NID2: variants seen among roughly 807,000 people sequenced by gnomAD.
The protein encoded by NID2 is nidogen-2.
In NID2, 83 loss-of-function variants were observed where a neutral mutation model predicts 145.4. That is an observed-to-expected ratio of 0.57 (90% CI 0.48 to 0.69). NID2 has a LOEUF of 0.69. Ranked by LOEUF, NID2 falls within the 30% of genes least tolerant of loss-of-function variation. The pLI, the probability that NID2 is intolerant of heterozygous loss-of-function variation, is 0.00. For synonymous variants in NID2, 739 were observed against 701.3 expected, an observed-to-expected ratio of 1.05 and a Z score of -0.85; for missense variants, 1,807 against 1,765.7, an observed-to-expected ratio of 1.02 and a Z score of -0.42.
intron 18 of NID2, chr14:52,010,631 A>G: frequency 2.5e-6 from 1 of 398,516 alleles, no homozygotes. Context: ...ATATCACATC[A>G]CAGACTAATA....
chr14:52,041,771 T>C (rs1045413983), intron 7 of NID2, among the ~76,000 whole-genome samples: 2 of 152,186 alleles, frequency 1.3e-5, no homozygotes. Flanking sequence ...CCAAGTACCA[T>C]TTTTGCATTT....
rs141268523 is a variant in NID2 at position 52,014,838 on chromosome 14, G to A, written c.3250+216C>T. Among the ~76,000 whole-genome samples the A allele has an allele frequency of 5.6e-4, 85 of 152,208 alleles. 1 individual carries two copies. Among genetic ancestry groups the A allele is most frequent in the Non-Finnish European group, 8.8e-4 (60 of 68,006 alleles). Reference sequence around the variant, plus strand: ...TAACTGCCTGCTGAACCGAGTTGCAGATGTTCCAATTATGGAAGCTGCTAA... The same window carrying A: ...TAACTGCCTGCTGAACCGAGTTGCAAATGTTCCAATTATGGAAGCTGCTAA... On this transcript the variant is annotated intron_variant, in intron 15 of 21. Coordinates refer to ENST00000216286, the MANE Select transcript of NID2 (RefSeq NM_007361.4).
intron 10 of NID2, among the ~76,000 whole-genome samples, chr14:52,029,122 G>A (rs564727017): frequency 7.2e-5 from 11 of 152,246 alleles, no homozygotes; most frequent in East Asian, 3.9e-4. Context: ...ATGGATACTT[G>A]GAAGAAAACC....
intron 1 of NID2, 135 bp from the exon 2 acceptor site, chr14:52,068,298 C>T: frequency 1.1e-6 from 1 of 904,854 alleles, no homozygotes; most frequent in Non-Finnish European, 1.7e-6. Context: ...AGTCTGGATT[C>T]AGGGAAACAA....
In NID2 at chr14:52,020,055, T is replaced by C; in HGVS notation, c.2794+4A>G. 1 of 1,613,706 alleles carries C rather than the reference T, an allele frequency of 6.2e-7. No homozygotes were observed. The highest frequency in any genetic ancestry group is 8.5e-7 in the Non-Finnish European group (1 of 1,179,724). On this transcript the variant is annotated splice_donor_region_variant and intron_variant, in intron 13 of 21. Coordinates refer to ENST00000216286, the MANE Select transcript of NID2 (RefSeq NM_007361.4). Reference sequence around the variant, plus strand: ...TGTGCCTAATCTGGCCCTCTGAAACTTACCAGGTATGCACTGAAATCCATC... The same window carrying C: ...TGTGCCTAATCTGGCCCTCTGAAACCTACCAGGTATGCACTGAAATCCATC...
chr14:52,057,990 A>C (rs1892911631), intron 3 of NID2, among the ~76,000 whole-genome samples: 1 of 152,266 alleles, frequency 6.6e-6, no homozygotes, highest in Non-Finnish European at 1.5e-5. Flanking sequence ...TGACAATCTG[A>C]AATGTACAAC....
intron 2 of NID2, among the ~76,000 whole-genome samples, chr14:52,065,914 T>C (rs1474530758): frequency 6.9e-6 from 1 of 144,596 alleles, no homozygotes; most frequent in Non-Finnish European, 1.5e-5. Context: ...TTGTTGGACA[T>C]TTGGGTTGGT....
In NID2 at chr14:52,016,044, T is replaced by TC. The variant is rs570712727; in HGVS notation, c.3029-770dup. Among the ~76,000 whole-genome samples the TC allele has an allele frequency of 9.8e-3, 1,488 of 152,052 alleles. 14 individuals carry two copies. Among genetic ancestry groups the TC allele is most frequent in the Non-Finnish European group, 0.016 (1,086 of 67,966 alleles). On this transcript the variant is annotated intron_variant, in intron 14 of 21. Transcript: ENST00000216286. The stretch of plus-strand genomic sequence containing the variant: ...TCTAGCTTCCTGCCGTGTTGCCCTT[T>TC]CCCCCCCTTTCTCCAGCATCCTCTC...
chr14:52,059,151 C>T (rs1232503731), intron 3 of NID2, among the ~76,000 whole-genome samples: 5 of 152,182 alleles, frequency 3.3e-5, no homozygotes, highest in Admixed American at 3.3e-4. Flanking sequence ...ACCTACAATT[C>T]TTGTGAGTTT....
At position 52,010,833 on chromosome 14, in the gene NID2, C is replaced by T. The variant is rs117607990; in HGVS notation, c.3722+43G>A. Reference sequence around the variant, plus strand: ...TATTTAAAACCCAAGGGCTTCACATCAGGATCTACAGGTAAGAGAAGAATT... The same window carrying T: ...TATTTAAAACCCAAGGGCTTCACATTAGGATCTACAGGTAAGAGAAGAATT... On this transcript the variant is annotated intron_variant, in intron 18 of 21. Coordinates refer to ENST00000216286, the MANE Select transcript of NID2 (RefSeq NM_007361.4). 1,298 of 1,590,156 alleles carry T rather than the reference C, an allele frequency of 8.2e-4. 12 individuals carry two copies. The highest frequency in any genetic ancestry group is 6.3e-3 in the East Asian group (280 of 44,448).
chr14:52,068,899 G>A lies in NID2; in HGVS notation c.96C>T (p.His32=), dbSNP rs1416904519. 1.2e-6 allele frequency: 2 copies of A among 1,613,958 alleles called. No individual in the cohort carries two copies. The highest frequency in any genetic ancestry group is 4.5e-5 in the East Asian group (2 of 44,896). ...CCCCGTGTGGGAAGAGCTCGTCTGG[G>A]TGCAGCGCCGCGGCCCGCAACATTA... is the stretch of plus-strand genomic sequence containing the variant. ...PLLMLRAAAL[H]PDELFPHGES... The change falls in exon 1 of 22, where the codon CAC becomes CAT. Residue 32 remains histidine (H), a synonymous_variant. Coordinates refer to ENST00000216286, the MANE Select transcript of NID2 (RefSeq NM_007361.4).
chr14:52,066,982 C>T (rs1434523115), intron 2 of NID2, among the ~76,000 whole-genome samples: 3 of 152,184 alleles, frequency 2.0e-5, no homozygotes, highest in African/African-American at 7.2e-5. Flanking sequence ...TGACGGCAGA[C>T]TCCTATAAAC....
Position 52,047,109 on chromosome 14 carries a change from T to C in NID2, c.1430-4178A>G, listed in dbSNP as rs114262496. Among the ~76,000 whole-genome samples, 789 of 152,300 alleles carry C rather than the reference T, an allele frequency of 5.2e-3. 5 individuals are homozygous for C. The highest frequency in any genetic ancestry group is 0.017 in the African/African-American group (718 of 41,550). ...ATAGACCTGTACCTAGTCTAGAAAC[T>C]GAGGACATGGCAGGGAGCAAAAGAG... On this transcript the variant is annotated intron_variant, in intron 5 of 21. Coordinates refer to ENST00000216286, the MANE Select transcript of NID2 (RefSeq NM_007361.4).
At chr14:52,056,476 G>T (rs1291142219) in intron 3 of NID2, among the ~76,000 whole-genome samples, 1 of 152,134 alleles carries the variant, frequency 6.6e-6, no homozygotes, top group African/African-American at 2.4e-5. Flanking sequence ...GTTGTTAGGA[G>T]AATTAAGTGA....
intron 9 of NID2, among the ~76,000 whole-genome samples, chr14:52,038,025 T>G (rs1402066406): frequency 6.6e-6 from 1 of 152,248 alleles, no homozygotes; most frequent in African/African-American, 2.4e-5. Flanking sequence ...TGAGATTTTC[T>G]ACACAAAATG....
chr14:52,042,465 T>C (rs1892319967), intron 6 of NID2, 115 bp from the exon 7 acceptor site: 1 of 1,316,376 alleles, frequency 7.6e-7, no homozygotes, highest in South Asian at 1.4e-5. Flanking sequence ...CAAGTCACTT[T>C]AATGATTTCC....
In NID2 at chr14:52,011,061, A is replaced by G. The variant is rs1377637865; in HGVS notation, c.3551-14T>C. 1.2e-6 allele frequency: 2 copies of G among 1,611,610 alleles called. No individual in the cohort carries two copies. Among genetic ancestry groups the G allele is most frequent in the East Asian group, 4.5e-5 (2 of 44,808 alleles). ...GGCTTATCAGACCTGGAAATAAAGC[A>G]AAGTCAGGACTGGAGTGTTTGCAGG... On this transcript the variant is annotated splice_polypyrimidine_tract_variant and intron_variant, in intron 17 of 21. Coordinates refer to ENST00000216286, the MANE Select transcript of NID2 (RefSeq NM_007361.4).
intron 5 of NID2, among the ~76,000 whole-genome samples, chr14:52,046,504 G>C (rs1166922567): frequency 6.6e-6 from 1 of 152,116 alleles, no homozygotes; most frequent in Non-Finnish European, 1.5e-5. Context: ...TATGAAACAA[G>C]GAGAGAGAAG....
At chr14:52,017,468 C>T (rs1428006523) in intron 14 of NID2, among the ~76,000 whole-genome samples, 2 of 152,126 alleles carry the variant, frequency 1.3e-5, no homozygotes, top group African/African-American at 4.8e-5. Flanking sequence ...AAAAAGTCCG[C>T]ACAAGAGAAC....
Sources: allele counts gnomAD v4.1 joint callset (sites outside exome capture counted in the v4.1 genomes callset), GRCh38; gene constraint gnomAD v4.1.1; transcripts MANE v1.5; gene names NCBI Gene and HGNC (gene_info 2026-07-23, HGNC 2026-07-21).